The following POLQ variants were observed in gnomAD, a reference collection of about 807,000 sequenced individuals.
POLQ encodes the protein epididymis secretory sperm binding protein.
In POLQ, 233 loss-of-function variants were observed where a neutral mutation model predicts 259.2. The ratio of observed to expected loss-of-function variants is 0.90; its 90% CI spans 0.81 to 1.00. The LOEUF is 1.00. Ranked by LOEUF, POLQ falls within the 50% of genes least tolerant of loss-of-function variation. The probability of loss-of-function intolerance (pLI) is 0.00; values close to 1 mark genes in which losing one functional copy is unlikely to be tolerated. For missense variants in POLQ, 2,871 were observed against 3,051.6 expected (o/e 0.94, Z 1.39); for synonymous variants, 1,025 against 1,048.8 (o/e 0.98, Z 0.44).
At chr3:121,452,598 G>C (rs1390312676) in intron 25 of POLQ, among the ~76,000 whole-genome samples, 1 of 151,622 alleles carries the variant, frequency 6.6e-6, no homozygotes, top group Admixed American at 6.6e-5. Flanking sequence ...AACTGGTATA[G>C]CATAAACACT....
intron 19 of POLQ, among the ~76,000 whole-genome samples, chr3:121,481,044 T>C (rs2047966398): frequency 6.6e-6 from 1 of 152,222 alleles, no homozygotes; most frequent in African/African-American, 2.4e-5. Flanking sequence ...ATTCATGTTA[T>C]TTGTCATGAG....
At chr3:121,471,714 G>A (rs1206153401) in intron 22 of POLQ, among the ~76,000 whole-genome samples, 1 of 152,032 alleles carries the variant, frequency 6.6e-6, no homozygotes, top group Admixed American at 6.6e-5. Flanking sequence ...AGCTGAGATC[G>A]TGCCACCGCA....
chr3:121,441,497 T>C (rs1455909644), intron 26 of POLQ, among the ~76,000 whole-genome samples: 2 of 152,206 alleles, frequency 1.3e-5, no homozygotes, highest in East Asian at 3.8e-4. Flanking sequence ...TATATGCTCA[T>C]TTGTGTCTGC....
chr3:121,436,571 T>C (rs1010296794), intron 27 of POLQ, among the ~76,000 whole-genome samples: 2 of 152,244 alleles, frequency 1.3e-5, no homozygotes, highest in Non-Finnish European at 2.9e-5. Context: ...TAGATGTATT[T>C]AGCTCATCAG....
chr3:121,468,935 G>A (rs1024219062), intron 22 of POLQ, among the ~76,000 whole-genome samples: 1 of 152,112 alleles, frequency 6.6e-6, no homozygotes, highest in African/African-American at 2.4e-5. Flanking sequence ...GAATCAGGTG[G>A]TTAATAGTAA....
At chr3:121,460,961 T>C (rs1311942147) in intron 24 of POLQ, among the ~76,000 whole-genome samples, 1 of 151,776 alleles carries the variant, frequency 6.6e-6, no homozygotes, top group Non-Finnish European at 1.5e-5. Context: ...ATAAGAAGAG[T>C]TGTTACTTGT....
chr3:121,440,660 A>C (rs951349816), intron 26 of POLQ, among the ~76,000 whole-genome samples: 1 of 152,182 alleles, frequency 6.6e-6, no homozygotes, highest in Admixed American at 6.5e-5. Flanking sequence ...CAACAACAAA[A>C]ACAAAACGTA....
intron 26 of POLQ, among the ~76,000 whole-genome samples, chr3:121,447,850 T>C (rs1372154299): frequency 6.6e-6 from 1 of 152,156 alleles, no homozygotes; most frequent in African/African-American, 2.4e-5. Context: ...AAAAGCTGTT[T>C]TTCCTTTGAC....
intron 7 of POLQ, among the ~76,000 whole-genome samples, chr3:121,527,100 G>A (rs960813791): frequency 2.8e-4 from 43 of 151,662 alleles, no homozygotes; most frequent in African/African-American, 9.0e-4. Flanking sequence ...TCGCTCCATC[G>A]CCCAGGGTGG....
chr3:121,510,167 A>G lies in POLQ; in HGVS notation c.1688T>C (p.Met563Thr). The G allele has an allele frequency of 6.2e-7, 1 of 1,614,052 alleles. No individual in the cohort carries two copies. The highest frequency in any genetic ancestry group is 8.5e-7 in the Non-Finnish European group (1 of 1,179,882). The change falls in exon 11 of 30, where the codon ATG (methionine) becomes ACG (threonine). Residue 563 changes from methionine to threonine, a missense_variant. By Grantham distance (81) the Met-to-Thr change is moderately conservative. Transcript: ENST00000264233. ...CTGAATTCCTTGCTTCCCTTCTTTC[A>G]TACTTGCAGCCAAAAATGTGCAGGC... ...YAACTFLAASMKEGKQGIQRN... is the reference protein window; with the variant it reads ...YAACTFLAASTKEGKQGIQRN...
At chr3:121,509,794 T>C in intron 11 of POLQ, 91 bp from the exon 12 acceptor site, 4 of 1,279,676 alleles carry the variant, frequency 3.1e-6, no homozygotes, top group African/African-American at 1.5e-5. Flanking sequence ...ATGCTAACCC[T>C]CCCGGCTGAT....
chr3:121,460,327 A>C (rs1410597902), intron 24 of POLQ, 93 bp from the exon 25 acceptor site: 1 of 908,114 alleles, frequency 1.1e-6, no homozygotes, highest in East Asian at 2.6e-5. Flanking sequence ...GATGACAAAA[A>C]TTTTGTTCTA....
intron 11 of POLQ, 94 bp from the exon 12 acceptor site, chr3:121,509,797 C>T (rs796689116): frequency 1.2e-5 from 15 of 1,268,876 alleles, no homozygotes; most frequent in African/African-American, 4.5e-5. Flanking sequence ...CTAACCCTCC[C>T]GGCTGATAAA....
In POLQ at chr3:121,528,247, A is replaced by C. The variant is rs1465205485; in HGVS notation, c.1108+1398T>G. On this transcript the variant is annotated intron_variant, in intron 7 of 29. Coordinates refer to ENST00000264233, the MANE Select transcript of POLQ (RefSeq NM_199420.4). Reference sequence around the variant, plus strand: ...AGTGATTCTCCTGCCTTATCCTCCCATGTAGGTAGGATTACAGGTACCCGA... The same window carrying C: ...AGTGATTCTCCTGCCTTATCCTCCCCTGTAGGTAGGATTACAGGTACCCGA... 1.3e-5 allele frequency among the ~76,000 whole-genome samples: 2 copies of C among 151,602 alleles called. 1 individual carries two copies. The highest frequency in any genetic ancestry group is 1.3e-4 in the Admixed American group (2 of 15,206).
Position 121,537,126 on chromosome 3 carries a change from G to T in POLQ, c.714C>A (p.Cys238Ter). The change falls in exon 5 of 30, where the codon TGC (cysteine) becomes TGA (stop). Residue 238 changes from cysteine to a stop codon, truncating the protein, a stop_gained. Coordinates refer to ENST00000264233, the MANE Select transcript of POLQ (RefSeq NM_199420.4). LOFTEE classifies it high-confidence loss of function. ...AAGATGCTGATTTCCGAGTAATATA[G>T]CAAATCTTGGTCAGCAAAAGTTCCA... ...YLLELLLTKI[C>*]YITRKSASCQ... 6.3e-7 allele frequency: 1 copy of T among 1,579,204 alleles called. No homozygotes were observed. The highest frequency in any genetic ancestry group is 8.7e-7 in the Non-Finnish European group (1 of 1,148,604).
intron 12 of POLQ, among the ~76,000 whole-genome samples, chr3:121,502,222 AGTTT>A (rs1251564299): frequency 6.6e-6 from 1 of 152,042 alleles, no homozygotes; most frequent in Non-Finnish European, 1.5e-5. Context: ...TTTGTTTGTT[AGTTT>A]GTTTGAGACA....
chr3:121,484,457 G>A (rs1434557771), intron 17 of POLQ, among the ~76,000 whole-genome samples: 1 of 152,224 alleles, frequency 6.6e-6, no homozygotes, highest in Non-Finnish European at 1.5e-5. Flanking sequence ...GGTGGCAAGA[G>A]AGTCCCTGAG....
intron 25 of POLQ, among the ~76,000 whole-genome samples, chr3:121,454,417 A>G (rs2047711681): frequency 6.6e-6 from 1 of 152,252 alleles, no homozygotes; most frequent in Admixed American, 6.5e-5. Flanking sequence ...TAAATGCTCC[A>G]ATTAAAAGAC....
At chr3:121,484,831 GT>G (rs1475548873) in intron 17 of POLQ, among the ~76,000 whole-genome samples, 1 of 152,130 alleles carries the variant, frequency 6.6e-6, no homozygotes. Flanking sequence ...AACCCAGGAG[GT>G]GAAGGTTGTA....
Sources: gnomAD v4.1 joint callset for allele counts (sites outside exome capture counted in the v4.1 genomes callset) on GRCh38, gnomAD v4.1.1 for gene constraint, MANE v1.5 for transcripts, NCBI Gene and HGNC (gene_info 2026-07-23, HGNC 2026-07-21) for gene names.